The following DLC1 variants were observed in gnomAD, a reference collection of about 807,000 sequenced individuals.
The protein encoded by DLC1 is rho GTPase-activating protein 7.
Under a neutral mutation model 140.3 loss-of-function variants are expected in DLC1, and 54 were observed. The ratio of observed to expected loss-of-function variants is 0.38; its 90% CI spans 0.31 to 0.48. The LOEUF (loss-of-function observed/expected upper bound fraction) is 0.48. DLC1 is among the 20% of genes least tolerant of loss of function. The probability of loss-of-function intolerance (pLI) is 0.96; values close to 1 mark genes in which losing one functional copy is unlikely to be tolerated. For missense variants in DLC1, 2,536 were observed against 1,907.0 expected (o/e 1.33, Z -6.14); for synonymous variants, 986 against 728.1 (o/e 1.35, Z -5.70).
At chr8:13,478,905 A>G (rs1291435153) in intron 2 of DLC1, among the ~76,000 whole-genome samples, 1 of 152,230 alleles carries the variant, frequency 6.6e-6, no homozygotes, top group Admixed American at 6.5e-5. Context: ...ACTTGCCTAA[A>G]CAAGCTGGCC....
intron 2 of DLC1, among the ~76,000 whole-genome samples, chr8:13,409,623 T>C (rs908710137): frequency 1.3e-5 from 2 of 152,324 alleles, no homozygotes; most frequent in South Asian, 2.1e-4. Context: ...ATTCATGTAA[T>C]AACTTTCTTT....
At chr8:13,557,875 G>A (rs1206790269) in intron 1 of DLC1, 1 of 152,098 alleles carries the variant, frequency 6.6e-6, no homozygotes, top group African/African-American at 2.4e-5. Context: ...AATTTTATTT[G>A]GGAAGCAAGA....
At chr8:13,248,352 A>G (rs1190031339) in intron 5 of DLC1, among the ~76,000 whole-genome samples, 1 of 151,972 alleles carries the variant, frequency 6.6e-6, no homozygotes, top group Non-Finnish European at 1.5e-5. Context: ...TTTTGCTTCC[A>G]TATTCTATTA....
chr8:13,513,614 A>G (rs1158674184), intron 1 of DLC1, among the ~76,000 whole-genome samples: 1 of 152,166 alleles, frequency 6.6e-6, no homozygotes, highest in African/African-American at 2.4e-5. Flanking sequence ...TTTTATTTCT[A>G]TAAAATGATG....
intron 2 of DLC1, among the ~76,000 whole-genome samples, chr8:13,444,001 G>A (rs764070070): frequency 3.3e-5 from 5 of 152,122 alleles, no homozygotes; most frequent in Non-Finnish European, 5.9e-5. Flanking sequence ...TGGCCATGAT[G>A]TAAATAAAAC....
At chr8:13,294,481 G>T (rs1352380265) in intron 5 of DLC1, among the ~76,000 whole-genome samples, 5 of 152,134 alleles carry the variant, frequency 3.3e-5, no homozygotes, top group Non-Finnish European at 5.9e-5. Context: ...TATCATAGAA[G>T]ACTTCACCTT....
Position 13,100,508 on chromosome 8 carries a change from C to G in DLC1, c.1829G>C (p.Ser610Thr). Residue 610 changes from serine to threonine, a missense_variant, in exon 9 of 18, where the codon AGC becomes ACC. Coordinates refer to ENST00000276297, the MANE Select transcript of DLC1 (RefSeq NM_182643.3). ...TGSLPSHAPP[S>T]EDAATPRTNS... Reference sequence around the variant, plus strand: ...AGTCCGGGGGGTGGCAGCATCCTCGCTGGGGGGCGCGTGGCTGGGGAGGCT... The same window carrying G: ...AGTCCGGGGGGTGGCAGCATCCTCGGTGGGGGGCGCGTGGCTGGGGAGGCT... 1 of 1,612,476 alleles carries G rather than the reference C, an allele frequency of 6.2e-7. No individual in the cohort carries two copies. Among genetic ancestry groups the G allele is most frequent in the South Asian group, 1.1e-5 (1 of 91,076 alleles).
rs200845205 is a variant in DLC1 at position 13,388,741 on chromosome 8, C to CAT, written c.1314+4810_1314+4811dup. Among the ~76,000 whole-genome samples, 98 of 151,894 alleles carry CAT rather than the reference C, an allele frequency of 6.5e-4. No homozygotes were observed. The East Asian group carries it at 0.017, about 27-fold the overall frequency. On this transcript the variant is annotated intron_variant, in intron 4 of 17. Transcript: ENST00000276297. Reference sequence around the variant, plus strand: ...ATATATAATCTATTTTATATGTATACATATATATACATTCATTCATACACA... The same window carrying CAT: ...ATATATAATCTATTTTATATGTATACATATATATATACATTCATTCATACACA...
intron 5 of DLC1, among the ~76,000 whole-genome samples, chr8:13,194,904 A>T (rs1357731174): frequency 1.3e-5 from 2 of 152,078 alleles, no homozygotes; most frequent in African/African-American, 4.8e-5. Context: ...TAGCTAGCTG[A>T]AAGGCTGAGG....
At chr8:13,176,124 CATAAAAT>C (rs1414261409) in intron 5 of DLC1, among the ~76,000 whole-genome samples, 2 of 152,106 alleles carry the variant, frequency 1.3e-5, no homozygotes, top group Non-Finnish European at 2.9e-5. Context: ...ATTTCAGAAA[CATAAAAT>C]ATATTATAGT....
chr8:13,426,431 T>C (rs1265768592), intron 2 of DLC1, among the ~76,000 whole-genome samples: 4 of 152,226 alleles, frequency 2.6e-5, no homozygotes, highest in African/African-American at 9.6e-5. Context: ...CAACATCTTT[T>C]AGTTATCTGA....
intron 2 of DLC1, among the ~76,000 whole-genome samples, chr8:13,478,215 G>T (rs1052296451): frequency 6.6e-6 from 1 of 152,134 alleles, no homozygotes; most frequent in African/African-American, 2.4e-5. Flanking sequence ...AGTGAAGGGG[G>T]AGCAGGCACA....
intron 5 of DLC1, among the ~76,000 whole-genome samples, chr8:13,173,894 G>A (rs1825625041): frequency 6.6e-6 from 1 of 152,042 alleles, no homozygotes; most frequent in African/African-American, 2.4e-5. Context: ...TGGGAGGTAC[G>A]TGTGCAGATT....
At chr8:13,304,906 A>T in intron 5 of DLC1, 1 of 996,852 alleles carries the variant, frequency 1.0e-6, no homozygotes, top group Non-Finnish European at 1.2e-6. Flanking sequence ...TTCTGTGGCT[A>T]CTAAGTCATT....
chr8:13,573,956 C>T (rs1289288382), intron 1 of DLC1, among the ~76,000 whole-genome samples: 1 of 152,092 alleles, frequency 6.6e-6, no homozygotes, highest in Admixed American at 6.5e-5. Flanking sequence ...TCATCATATC[C>T]TTGGTGTTTA....
chr8:13,432,942 CTTTTTTTT>C (rs35776848), intron 2 of DLC1, among the ~76,000 whole-genome samples: 1 of 93,016 alleles, frequency 1.1e-5, no homozygotes, highest in Non-Finnish European at 2.0e-5. Flanking sequence ...TCCTCTCTTC[CTTTTTTTT>C]TTTTTTTTTT....
intron 4 of DLC1, among the ~76,000 whole-genome samples, chr8:13,329,463 C>T (rs964758412): frequency 1.3e-5 from 2 of 152,016 alleles, no homozygotes; most frequent in South Asian, 2.1e-4. Flanking sequence ...CTGGTTTAAC[C>T]CCAGTCATCA....
intron 5 of DLC1, among the ~76,000 whole-genome samples, chr8:13,152,073 C>T (rs1211393059): frequency 6.6e-6 from 1 of 152,158 alleles, no homozygotes; most frequent in East Asian, 1.9e-4. Context: ...TGAACTTCCC[C>T]TCCATGTTTA....
rs1430917555 is a variant in DLC1, at chr8:13,475,363, A to G, written c.1023+23686T>C. Among the ~76,000 whole-genome samples the G allele has an allele frequency of 3.9e-5, 6 of 152,306 alleles. No individual in the cohort carries two copies. In the South Asian group the frequency reaches 8.3e-4, roughly 21 times the overall value. Reference sequence around the variant, plus strand: ...AATATTGATTTTCCATTCTGGTTCAAAAGGACTTTAATCTTCTGATTTTGA... The same window carrying G: ...AATATTGATTTTCCATTCTGGTTCAGAAGGACTTTAATCTTCTGATTTTGA... On this transcript the variant is annotated intron_variant, in intron 2 of 17. Coordinates refer to ENST00000276297, the MANE Select transcript of DLC1 (RefSeq NM_182643.3).
Sources: allele counts gnomAD v4.1 joint callset (sites outside exome capture counted in the v4.1 genomes callset), GRCh38; gene constraint gnomAD v4.1.1; transcripts MANE v1.5; gene names NCBI Gene and HGNC (gene_info 2026-07-23, HGNC 2026-07-21).